The following ZBTB32 variants were observed in gnomAD, a reference collection of about 807,000 sequenced individuals.
ZBTB32 encodes zinc finger and BTB domain-containing protein 32.
Under a neutral mutation model 45.3 loss-of-function variants are expected in ZBTB32, and 28 were observed. The ratio of observed to expected loss-of-function variants is 0.62; its 90% CI spans 0.46 to 0.85. ZBTB32 has a LOEUF of 0.85. Among genes scored for constraint, ZBTB32 ranks in the 40% least tolerant of loss-of-function variants. The pLI, the probability that ZBTB32 is intolerant of heterozygous loss-of-function variation, is 0.00. For synonymous variants in ZBTB32, 283 were observed against 255.7 expected (o/e 1.11, Z -1.02); for missense variants, 587 against 624.4 (o/e 0.94, Z 0.64).
intron 1 of ZBTB32, among the ~76,000 whole-genome samples, chr19:35,711,176 G>T (rs1968682848): frequency 6.6e-6 from 1 of 152,198 alleles, no homozygotes; most frequent in South Asian, 2.1e-4. Context: ...AGCACATGAT[G>T]TGGGGCTGGA....
Position 35,714,883 on chromosome 19 carries a change from A to C in ZBTB32, c.257A>C (p.Gln86Pro), listed in dbSNP as rs376512419. The change falls in exon 3 of 7, where the codon CAG (glutamine) becomes CCG (proline). Residue 86 changes from glutamine to proline, a missense_variant. Physicochemically the swap from Gln to Pro is moderately conservative, Grantham distance 76 (BLOSUM62 -1). Transcript: ENST00000392197. ...NFVYGESVEL[Q>P]PGELRPLQEA... ...GTGTATGGGGAGAGTGTAGAGCTGCAGCCTGGAGAGCTAAGGCCCCTTCAG... is the reference window on the plus strand; with the variant it reads ...GTGTATGGGGAGAGTGTAGAGCTGCCGCCTGGAGAGCTAAGGCCCCTTCAG... 1.8e-5 allele frequency: 29 copies of C among 1,592,286 alleles called. No individual in the cohort carries two copies. The African/African-American group carries it at 3.8e-4, about 21-fold the overall frequency.
In ZBTB32 at chr19:35,716,981, G is replaced by T; in HGVS notation, c.*229G>T. 1.7e-6 allele frequency: 1 copy of T among 578,998 alleles called. No homozygotes were observed. Among genetic ancestry groups the T allele is most frequent in the Admixed American group, 3.1e-5 (1 of 32,338 alleles). The allele number at this position is 578,998 out of a possible 1,614,324, so 35.9% of individuals were successfully genotyped here. A position where few individuals can be genotyped will look rare whatever the true frequency, so the allele number is the denominator to read the frequency against. ...AAGTGTGCAGGAGCGAAGGTTAACA[G>T]TAGGGGAGATTGTCGATCTCATCAC... On this transcript the variant is annotated 3_prime_UTR_variant, in exon 7 of 7. Coordinates refer to ENST00000392197, the MANE Select transcript of ZBTB32 (RefSeq NM_014383.3).
chr19:35,715,146 AGAC>A lies in ZBTB32; in HGVS notation c.521_523del (p.Arg174_Pro175delinsThr). 1 of 1,613,988 alleles carries A rather than the reference AGAC, an allele frequency of 6.2e-7. No individual in the cohort carries two copies. The highest frequency in any genetic ancestry group is 8.5e-7 in the Non-Finnish European group (1 of 1,179,996). On this transcript the variant is annotated inframe_deletion, in exon 3 of 7. Transcript: ENST00000392197. ...GCACAAGCACTCGCCACCAAGAGGCAGACCCGAGATGGCAGGAGCAACGCAGGA... is the reference window on the plus strand; with the variant it reads ...GCACAAGCACTCGCCACCAAGAGGCACCGAGATGGCAGGAGCAACGCAGGA...
chr19:35,706,222 C>T (rs1317001991), intron 1 of ZBTB32, among the ~76,000 whole-genome samples: 8 of 116,474 alleles, frequency 6.9e-5, no homozygotes, highest in Admixed American at 1.7e-4. Flanking sequence ...GAGCGAAACT[C>T]CATCTCAAAA....
At chr19:35,705,476 C>T (rs975426782) in intron 1 of ZBTB32, among the ~76,000 whole-genome samples, 11 of 152,088 alleles carry the variant, frequency 7.2e-5, no homozygotes, top group Non-Finnish European at 1.6e-4. Flanking sequence ...GCAGATTTCC[C>T]AGTATGGAGT....
rs749111430 is a variant in ZBTB32 at position 35,714,814 on chromosome 19, G to A, written c.188G>A (p.Gly63Glu). Residue 63 changes from glycine to glutamate, a missense_variant, in exon 3 of 7, where the codon GGA becomes GAA. By Grantham distance (98) the Gly-to-Glu change is moderately conservative (BLOSUM62 -2). Transcript: ENST00000392197. ...QLGRRGQWAL[G>E]EGISPSTFAQ... ...GGCCGCAGGGGCCAGTGGGCTCTGG[G>A]AGAAGGCATCAGCCCTTCTACCTTT... 55 of 1,613,952 alleles carry A rather than the reference G, an allele frequency of 3.4e-5. No individual in the cohort carries two copies. The highest frequency in any genetic ancestry group is 4.3e-5 in the Non-Finnish European group (51 of 1,179,926).
chr19:35,714,614 A>C lies in ZBTB32; in HGVS notation c.-13A>C. Reference sequence around the variant, plus strand: ...CTTAGAGCCTCTGAGTTAGGTACCCAAGCCAAGGCACAATGTCCCTGCCCC... The same window carrying C: ...CTTAGAGCCTCTGAGTTAGGTACCCCAGCCAAGGCACAATGTCCCTGCCCC... On this transcript the variant is annotated 5_prime_UTR_variant, in exon 3 of 7. Coordinates refer to ENST00000392197, the MANE Select transcript of ZBTB32 (RefSeq NM_014383.3). 1 of 1,510,018 alleles carries C rather than the reference A, an allele frequency of 6.6e-7. No individual in the cohort carries two copies. The highest frequency in any genetic ancestry group is 2.3e-5 in the East Asian group (1 of 42,642). 93.5% of individuals were successfully genotyped at this position (1,510,018 alleles called of 1,614,324 possible).
Position 35,716,888 on chromosome 19 carries a change from T to TG in ZBTB32, c.*137dup, listed in dbSNP as rs1372821941. On this transcript the variant is annotated 3_prime_UTR_variant, in exon 7 of 7. Coordinates refer to ENST00000392197, the MANE Select transcript of ZBTB32 (RefSeq NM_014383.3). ...GAAGCGCCCCAGGAAGGGCGCCGAG[T>TG]GCCCTCTCCTGGACGATCGCGGGTC... 8.0e-6 allele frequency: 8 copies of TG among 1,005,726 alleles called. No individual in the cohort carries two copies. The East Asian group carries it at 2.1e-4, about 26-fold the overall frequency. The allele number at this position is 1,005,726 out of a possible 1,614,324, so 62.3% of individuals were successfully genotyped here.
Position 35,715,264 on chromosome 19 carries a change from C to A in ZBTB32, c.638C>A (p.Thr213Lys), listed in dbSNP as rs747345289. The change falls in exon 3 of 7, where the codon ACG becomes AAG. Residue 213 changes from threonine to lysine, a missense_variant. Thr to Lys is a moderately conservative substitution (Grantham distance 78). Coordinates refer to ENST00000392197, the MANE Select transcript of ZBTB32 (RefSeq NM_014383.3). ...RGADGKHGVL[T>K]WLRENPGGSE... ...GCAGATGGGAAGCATGGAGTGCTCA[C>A]GTGGTTGAGGGAAAATCCAGGGGGC... is the stretch of plus-strand genomic sequence containing the variant. The A allele has an allele frequency of 6.3e-7, 1 of 1,588,012 alleles. No homozygotes were observed. Among genetic ancestry groups the A allele is most frequent in the South Asian group, 1.1e-5 (1 of 89,112 alleles).
intron 1 of ZBTB32, among the ~76,000 whole-genome samples, chr19:35,709,878 C>CAAA (rs35096787): frequency 7.3e-6 from 1 of 137,820 alleles, no homozygotes; most frequent in Admixed American, 7.2e-5. Context: ...GACTCTGTCT[C>CAAA]AAAAAAAAAA....
intron 1 of ZBTB32, among the ~76,000 whole-genome samples, chr19:35,710,743 ACT>A (rs750490659): frequency 4.4e-4 from 67 of 151,942 alleles, no homozygotes; most frequent in Non-Finnish European, 8.4e-4. Flanking sequence ...ACAGAACAAG[ACT>A]CTGTCTCAAA....
intron 1 of ZBTB32, among the ~76,000 whole-genome samples, chr19:35,711,076 T>C (rs1968678725): frequency 6.6e-6 from 1 of 152,180 alleles, no homozygotes; most frequent in Non-Finnish European, 1.5e-5. Flanking sequence ...CCCTGTCAAC[T>C]ATATTTGGCT....
chr19:35,715,638 C>A, intron 3 of ZBTB32, 119 bp from the exon 4 acceptor site: 1 of 1,471,848 alleles, frequency 6.8e-7, no homozygotes. Flanking sequence ...CAAGAAGCTG[C>A]TGCCACAGGG....
At chr19:35,715,549 G>A in intron 3 of ZBTB32, 42 bp downstream of exon 3, 1 of 1,511,278 alleles carries the variant, frequency 6.6e-7, no homozygotes, top group Non-Finnish European at 8.8e-7. Flanking sequence ...GGCTGGGAGG[G>A]CATGGCCCAG....
At position 35,714,982 on chromosome 19, in the gene ZBTB32, A is replaced by C. The variant is rs1957639844; in HGVS notation, c.356A>C (p.Lys119Thr). 2.5e-6 allele frequency: 4 copies of C among 1,602,836 alleles called. No individual in the cohort carries two copies. Among genetic ancestry groups the C allele is most frequent in the Non-Finnish European group, 3.4e-6 (4 of 1,174,816 alleles). ...AGGGCTCGAGGGGACAGGGCTAAAAAGCCAGATCCAGGCCTGAAGAAACAT... is the reference window on the plus strand; with the variant it reads ...AGGGCTCGAGGGGACAGGGCTAAAACGCCAGATCCAGGCCTGAAGAAACAT... ...CWRARGDRAKKPDPGLKKHQE... is the reference protein window; with the variant it reads ...CWRARGDRAKTPDPGLKKHQE... The change falls in exon 3 of 7, where the codon AAG becomes ACG. Residue 119 changes from lysine to threonine, a missense_variant. Lys to Thr is a moderately conservative substitution (Grantham distance 78). Coordinates refer to ENST00000392197, the MANE Select transcript of ZBTB32 (RefSeq NM_014383.3).
Position 35,717,014 on chromosome 19 carries a change from A to C in ZBTB32, c.*262A>C. ...GATTGTCGATCTCATCACCATAATA[A>C]AGAGTTTCCTGTGCCCTCCCTTCAG... On this transcript the variant is annotated 3_prime_UTR_variant, in exon 7 of 7. Transcript: ENST00000392197. The C allele has an allele frequency of 1.9e-6, 1 of 514,082 alleles. No homozygotes were observed. Among genetic ancestry groups the C allele is most frequent in the Non-Finnish European group, 3.5e-6 (1 of 288,278 alleles). The allele number at this position is 514,082 out of a possible 1,614,324, so 31.8% of individuals were successfully genotyped here. A position where few individuals can be genotyped will look rare whatever the true frequency, so the allele number is the denominator to read the frequency against.
chr19:35,708,945 A>T (rs1445730642), intron 1 of ZBTB32, among the ~76,000 whole-genome samples: 1 of 151,098 alleles, frequency 6.6e-6, no homozygotes, highest in Non-Finnish European at 1.5e-5. Context: ...CAGCCTCTCG[A>T]GTAGCTGGAA....
At chr19:35,713,826 C>T (rs1156778519) in intron 2 of ZBTB32, among the ~76,000 whole-genome samples, 3 of 152,260 alleles carry the variant, frequency 2.0e-5, no homozygotes, top group Non-Finnish European at 4.4e-5. Context: ...CTCCAGTCCC[C>T]ACGTCCTTTC....
At position 35,715,325 on chromosome 19, in the gene ZBTB32, T is replaced by TC; in HGVS notation, c.704dup (p.Ala236SerfsTer11). 1 of 1,593,102 alleles carries TC rather than the reference T, an allele frequency of 6.3e-7. No individual in the cohort carries two copies. The highest frequency in any genetic ancestry group is 1.4e-5 in the African/African-American group (1 of 73,816). On this transcript the variant is annotated frameshift_variant, in exon 3 of 7. Coordinates refer to ENST00000392197, the MANE Select transcript of ZBTB32 (RefSeq NM_014383.3). LOFTEE classifies it high-confidence loss of function. Reference sequence around the variant, plus strand: ...GTCTGCGCAAGCTCCCTGGCCCCCTTCCCCCAGCAGGCTCCCTGCAAACCA... The same window carrying TC: ...GTCTGCGCAAGCTCCCTGGCCCCCTTCCCCCCAGCAGGCTCCCTGCAAACCA...
Sources: allele counts gnomAD v4.1 joint callset (sites outside exome capture counted in the v4.1 genomes callset), GRCh38; gene constraint gnomAD v4.1.1; transcripts MANE v1.5; gene names NCBI Gene and HGNC (gene_info 2026-07-23, HGNC 2026-07-21).